Variants in SKAP2 observed in about 807,000 individuals in gnomAD.
SKAP2 encodes the protein src kinase-associated phosphoprotein 2.
A neutral mutation model predicts 54.9 loss-of-function variants in SKAP2; 28 were observed. The ratio of observed to expected loss-of-function variants is 0.51; its 90% CI spans 0.38 to 0.70. SKAP2 has a LOEUF of 0.70. Among genes scored for constraint, SKAP2 ranks in the 30% least tolerant of loss-of-function variants. The probability of loss-of-function intolerance (pLI) is 0.00; values close to 1 mark genes in which losing one functional copy is unlikely to be tolerated. For synonymous variants in SKAP2, 137 were observed against 134.3 expected, an observed-to-expected ratio of 1.02 and a Z score of -0.14; for missense variants, 356 against 424.1, an observed-to-expected ratio of 0.84 and a Z score of 1.41.
intron 4 of SKAP2, among the ~76,000 whole-genome samples, chr7:26,805,391 G>A (rs896412229): frequency 3.3e-5 from 5 of 152,106 alleles, no homozygotes; most frequent in African/African-American, 1.2e-4. Flanking sequence ...CTCCTCCTTC[G>A]AAAGGCAGAG....
At chr7:26,813,261 C>A (rs1240693247) in intron 4 of SKAP2, among the ~76,000 whole-genome samples, 1 of 152,064 alleles carries the variant, frequency 6.6e-6, no homozygotes, top group East Asian at 1.9e-4. Context: ...TAACAGTATG[C>A]AATTGTATTC....
intron 4 of SKAP2, among the ~76,000 whole-genome samples, chr7:26,770,089 T>G (rs1218203802): frequency 6.6e-6 from 1 of 152,138 alleles, no homozygotes; most frequent in Non-Finnish European, 1.5e-5. Context: ...CCCAGGGAGA[T>G]GGGAGAGTTT....
At position 26,669,662 on chromosome 7, in the gene SKAP2, G is replaced by A. The variant is rs1051498400; in HGVS notation, c.*10-6C>T. On this transcript the variant is annotated splice_polypyrimidine_tract_variant and splice_region_variant and intron_variant, in intron 12 of 12. Transcript: ENST00000345317. ...AGCAGAAGAATTTTCCTTTTCTGCA[G>A]GAGAAAGGGAAAGCTGCATTTTAAT... 6.6e-6 allele frequency: 1 copy of A among 152,396 alleles called. No individual in the cohort carries two copies. The highest frequency in any genetic ancestry group is 6.6e-5 in the Admixed American group (1 of 15,262). 9.4% of individuals were successfully genotyped at this position (152,396 alleles called of 1,614,324 possible).
intron 4 of SKAP2, among the ~76,000 whole-genome samples, chr7:26,745,910 C>A (rs996072625): frequency 6.6e-6 from 1 of 152,164 alleles, no homozygotes; most frequent in African/African-American, 2.4e-5. Context: ...AATATTATCT[C>A]ATTTCATGAA....
intron 4 of SKAP2, among the ~76,000 whole-genome samples, chr7:26,765,100 T>C (rs1783019921): frequency 6.6e-6 from 1 of 152,196 alleles, no homozygotes. Context: ...CCACCAACAG[T>C]ATAAAAGCGT....
At chr7:26,824,877 T>C (rs1184796142) in intron 4 of SKAP2, among the ~76,000 whole-genome samples, 1 of 152,178 alleles carries the variant, frequency 6.6e-6, no homozygotes, top group Non-Finnish European at 1.5e-5. Flanking sequence ...AAAAATGACT[T>C]GTCCTAAGCT....
At chr7:26,660,993 A>G in the SKAP2 span, among the ~76,000 whole-genome samples, 1 of 152,106 alleles carries the variant, frequency 6.6e-6, no homozygotes, top group South Asian at 2.1e-4. Flanking sequence ...CTGCATAACA[A>G]ATATACTTAA....
chr7:26,863,346 A>G (rs1353724236), intron 1 of SKAP2, among the ~76,000 whole-genome samples: 1 of 152,224 alleles, frequency 6.6e-6, no homozygotes, highest in African/African-American at 2.4e-5. Flanking sequence ...CTAGTTATTC[A>G]TAAGCAATAC....
intron 9 of SKAP2, among the ~76,000 whole-genome samples, chr7:26,703,614 G>A (rs1018445862): frequency 2.0e-5 from 3 of 152,062 alleles, no homozygotes; most frequent in East Asian, 1.9e-4. Flanking sequence ...CTGAACCTCA[G>A]TTTTTTCATC....
At chr7:26,816,577 T>G (rs1211932089) in intron 4 of SKAP2, among the ~76,000 whole-genome samples, 2 of 152,066 alleles carry the variant, frequency 1.3e-5, no homozygotes, top group African/African-American at 4.8e-5. Flanking sequence ...ACTAAGATAT[T>G]AAAAATAAGA....
chr7:26,664,217 C>T (rs955380987), downstream of SKAP2, among the ~76,000 whole-genome samples: 2 of 152,162 alleles, frequency 1.3e-5, no homozygotes, highest in African/African-American at 4.8e-5. Context: ...ACAAATTATT[C>T]AGCCTGTTTC....
At chr7:26,842,673 C>T (rs113954548) in intron 4 of SKAP2, among the ~76,000 whole-genome samples, 193 of 104,990 alleles carry the variant, frequency 1.8e-3, no homozygotes, top group African/African-American at 4.8e-3. Context: ...CAACATTTTA[C>T]AGAGAAATAA....
At chr7:26,788,029 A>T (rs1370235978) in intron 4 of SKAP2, among the ~76,000 whole-genome samples, 1 of 152,106 alleles carries the variant, frequency 6.6e-6, no homozygotes, top group Admixed American at 6.5e-5. Flanking sequence ...CAAATATTCA[A>T]ATCATATCAC....
At chr7:26,849,076 T>C (rs139766433) in intron 3 of SKAP2, among the ~76,000 whole-genome samples, 1 of 152,332 alleles carries the variant, frequency 6.6e-6, no homozygotes, top group Non-Finnish European at 1.5e-5. Context: ...CAGATTTCAC[T>C]GTGGAGTTAT....
chr7:26,861,615 C>CT (rs34331819), intron 1 of SKAP2, among the ~76,000 whole-genome samples: 4,704 of 116,050 alleles, frequency 0.041, 155 homozygotes, highest in African/African-American at 0.097. Context: ...ATAACAACCT[C>CT]TTTTTTTTTT....
intron 4 of SKAP2, among the ~76,000 whole-genome samples, chr7:26,776,322 G>A (rs1783306780): frequency 6.6e-6 from 1 of 152,018 alleles, no homozygotes; most frequent in Non-Finnish European, 1.5e-5. Flanking sequence ...ATTGCCCCCT[G>A]TATGCTGAAG....
intron 4 of SKAP2, among the ~76,000 whole-genome samples, chr7:26,743,211 A>C (rs1236602791): frequency 6.6e-6 from 1 of 152,156 alleles, no homozygotes; most frequent in Non-Finnish European, 1.5e-5. Flanking sequence ...CCTAAAAAAA[A>C]GTTTTGCACT....
chr7:26,767,494 T>C (rs1483775330), intron 4 of SKAP2, among the ~76,000 whole-genome samples: 2 of 152,178 alleles, frequency 1.3e-5, no homozygotes, highest in African/African-American at 4.8e-5. Context: ...TGTTATTTCT[T>C]GTCTTCTGCT....
chr7:26,743,195 CCTT>C (rs1782492037), intron 4 of SKAP2, among the ~76,000 whole-genome samples: 1 of 152,130 alleles, frequency 6.6e-6, no homozygotes, highest in Admixed American at 6.6e-5. Flanking sequence ...AAAATTCAAA[CCTT>C]GTCCTAAAAA....
Sources: gnomAD v4.1 joint callset for allele counts (sites outside exome capture counted in the v4.1 genomes callset) on GRCh38, gnomAD v4.1.1 for gene constraint, MANE v1.5 for transcripts, NCBI Gene and HGNC (gene_info 2026-07-23, HGNC 2026-07-21) for gene names.